PPFIA2: variants seen among roughly 807,000 people sequenced by gnomAD.
The protein encoded by PPFIA2 is PPFI scaffold protein A2, also known as liprin-alpha-2.
In PPFIA2, 46 loss-of-function variants were observed where a neutral mutation model predicts 175.5. The observed-to-expected ratio is 0.26, with a 90% CI of 0.21 to 0.34. The LOEUF (loss-of-function observed/expected upper bound fraction) is 0.34. Ranked by LOEUF, PPFIA2 falls within the 10% of genes least tolerant of loss-of-function variation. PPFIA2 has a pLI of 1.00. For missense variants in PPFIA2, 1,179 were observed against 1,506.1 expected (o/e 0.78, Z 3.60); for synonymous variants, 568 against 511.4 (o/e 1.11, Z -1.49).
intron 23 of PPFIA2, among the ~76,000 whole-genome samples, chr12:81,297,486 T>C (rs2138098288): frequency 6.6e-6 from 1 of 152,246 alleles, no homozygotes; most frequent in South Asian, 2.1e-4. Context: ...AAGGGGAAGA[T>C]CTAAGTACAA....
At chr12:81,526,514 TG>T (rs1264826606) in intron 4 of PPFIA2, among the ~76,000 whole-genome samples, 5 of 152,224 alleles carry the variant, frequency 3.3e-5, no homozygotes, top group African/African-American at 1.2e-4. Flanking sequence ...GCTGGGATTC[TG>T]TTGCTTTAAC....
intron 4 of PPFIA2, among the ~76,000 whole-genome samples, chr12:81,664,794 C>G (rs1485915370): frequency 6.6e-6 from 1 of 152,058 alleles, no homozygotes; most frequent in Non-Finnish European, 1.5e-5. Flanking sequence ...ACCCGAATGT[C>G]CAACAATGAT....
At chr12:81,320,311 G>A (rs2053384111) in intron 22 of PPFIA2, among the ~76,000 whole-genome samples, 1 of 151,970 alleles carries the variant, frequency 6.6e-6, no homozygotes, top group African/African-American at 2.4e-5. Context: ...TTATGTCTGT[G>A]ATATTCTAAC....
At chr12:81,327,399 A>G (rs2055033543) in intron 21 of PPFIA2, among the ~76,000 whole-genome samples, 1 of 152,100 alleles carries the variant, frequency 6.6e-6, no homozygotes, top group Non-Finnish European at 1.5e-5. Context: ...ACATTTTCAA[A>G]TGGGAAATTT....
At chr12:81,590,794 T>G (rs1567480817) in intron 4 of PPFIA2, among the ~76,000 whole-genome samples, 1 of 152,218 alleles carries the variant, frequency 6.6e-6, no homozygotes, top group Non-Finnish European at 1.5e-5. Flanking sequence ...TAAGGCCTCC[T>G]CAGCCATGTG....
chr12:81,436,351 A>G (rs2049027945), intron 7 of PPFIA2, among the ~76,000 whole-genome samples: 1 of 140,578 alleles, frequency 7.1e-6, no homozygotes, highest in Non-Finnish European at 1.5e-5. Flanking sequence ...TGCATCAGAT[A>G]AACGTTTCTC....
chr12:81,690,532 G>C (rs1490325284), intron 3 of PPFIA2, among the ~76,000 whole-genome samples: 1 of 152,022 alleles, frequency 6.6e-6, no homozygotes, highest in African/African-American at 2.4e-5. Flanking sequence ...GACTATTCCT[G>C]AGGACCAGAT....
chr12:81,436,279 T>TAAAAAAAA (rs763809833), intron 7 of PPFIA2, among the ~76,000 whole-genome samples: 1 of 44,810 alleles, frequency 2.2e-5, no homozygotes, highest in African/African-American at 6.9e-5. Flanking sequence ...AGACCCTGTC[T>TAAAAAAAA]AAAAAAAAAA....
At chr12:81,566,233 G>C (rs535132281) in intron 4 of PPFIA2, among the ~76,000 whole-genome samples, 1 of 152,140 alleles carries the variant, frequency 6.6e-6, no homozygotes, top group Non-Finnish European at 1.5e-5. Context: ...AAAAGTACAT[G>C]TACGTTTTGG....
chr12:81,562,554 A>C (rs990126460), intron 4 of PPFIA2, among the ~76,000 whole-genome samples: 1 of 152,140 alleles, frequency 6.6e-6, no homozygotes, highest in Non-Finnish European at 1.5e-5. Context: ...ATTTTGTAAG[A>C]GAGTATGTTG....
rs183078168 is a variant in PPFIA2 at position 81,588,869 on chromosome 12, T to C, written c.303+87922A>G. On this transcript the variant is annotated intron_variant, in intron 4 of 32. Coordinates refer to ENST00000549396, the MANE Select transcript of PPFIA2 (RefSeq NM_003625.5). ...ACTGTACTCAGTGTATTAAATACTT[T>C]ATATCAAGAACTTGCCAAGTCATTT... Among the ~76,000 whole-genome samples, 26 of 152,174 alleles carry C rather than the reference T, an allele frequency of 1.7e-4. 1 individual carries two copies. Among genetic ancestry groups the C allele is most frequent in the African/African-American group, 6.3e-4 (26 of 41,530 alleles).
intron 4 of PPFIA2, among the ~76,000 whole-genome samples, chr12:81,459,369 A>C (rs1335691160): frequency 1.3e-5 from 2 of 152,144 alleles, no homozygotes; most frequent in African/African-American, 4.8e-5. Context: ...TCTTTATTGC[A>C]CATTATTAAC....
At chr12:81,606,610 G>A (rs1054942386) in intron 4 of PPFIA2, among the ~76,000 whole-genome samples, 1 of 152,026 alleles carries the variant, frequency 6.6e-6, no homozygotes, top group East Asian at 1.9e-4. Flanking sequence ...CCACTTGAAT[G>A]TCTTCCTTTG....
intron 4 of PPFIA2, among the ~76,000 whole-genome samples, chr12:81,487,184 A>G (rs2058922769): frequency 6.6e-6 from 1 of 151,864 alleles, no homozygotes; most frequent in Non-Finnish European, 1.5e-5. Context: ...TGAGTTGGTT[A>G]TCTGTCTATT....
chr12:81,367,085 C>T (rs751623661), intron 14 of PPFIA2, 23 bp downstream of exon 14: 158 of 1,453,438 alleles, frequency 1.1e-4, no homozygotes, highest in Non-Finnish European at 1.3e-4. Context: ...AAAATGGGCC[C>T]AAAACATAAG....
At chr12:81,756,305 G>T (rs1256718349) in intron 2 of PPFIA2, among the ~76,000 whole-genome samples, 1 of 152,072 alleles carries the variant, frequency 6.6e-6, no homozygotes, top group Non-Finnish European at 1.5e-5. Flanking sequence ...TTGAATGAAA[G>T]TTATTAATCC....
At chr12:81,467,039 C>T (rs957142374) in intron 4 of PPFIA2, among the ~76,000 whole-genome samples, 15 of 150,898 alleles carry the variant, frequency 9.9e-5, no homozygotes, top group African/African-American at 3.4e-4. Flanking sequence ...TACTCATTGC[C>T]CTTTTTCTTT....
intron 8 of PPFIA2, among the ~76,000 whole-genome samples, chr12:81,398,161 G>C (rs1393725533): frequency 6.6e-6 from 1 of 152,020 alleles, no homozygotes; most frequent in South Asian, 2.1e-4. Context: ...CCACAAAACT[G>C]GTTCCTGTTG....
intron 7 of PPFIA2, among the ~76,000 whole-genome samples, chr12:81,412,288 G>T (rs2044107695): frequency 1.4e-5 from 2 of 145,146 alleles, no homozygotes; most frequent in Non-Finnish European, 3.0e-5. Context: ...TGGGAAAAAT[G>T]CAGACAGTTT....
Sources: allele counts gnomAD v4.1 joint callset (sites outside exome capture counted in the v4.1 genomes callset), GRCh38; gene constraint gnomAD v4.1.1; transcripts MANE v1.5; gene names NCBI Gene and HGNC (gene_info 2026-07-23, HGNC 2026-07-21).